The following RAG1 variants were observed in gnomAD, a reference collection of about 807,000 sequenced individuals.
RAG1 encodes recombination activating 1.
RAG1 carries 35 observed loss-of-function variants against 62.7 expected under a neutral mutation model. That is an observed-to-expected ratio of 0.56 (90% CI 0.43 to 0.74). The LOEUF (loss-of-function observed/expected upper bound fraction) is 0.74, where lower values mean the gene tolerates loss of function less well. Ranked by LOEUF, RAG1 falls within the 30% of genes least tolerant of loss-of-function variation. The pLI, the probability that RAG1 is intolerant of heterozygous loss-of-function variation, is 0.00. For synonymous variants in RAG1, 461 were observed against 470.3 expected (o/e 0.98, Z 0.26); for missense variants, 1,169 against 1,278.6 (o/e 0.91, Z 1.31).
chr11:36,571,241 G>A (rs1292861112), intron 1 of RAG1, among the ~76,000 whole-genome samples: 1 of 152,052 alleles, frequency 6.6e-6, no homozygotes, highest in Non-Finnish European at 1.5e-5. Context: ...CTCTAGAGAT[G>A]GTCATGCATT....
rs1052237366 is a variant in RAG1, at chr11:36,577,844, C to T, written c.*1408C>T. 6.0e-6 allele frequency: 1 copy of T among 167,062 alleles called. No homozygotes were observed. Among genetic ancestry groups the T allele is most frequent in the Non-Finnish European group, 1.5e-5 (1 of 68,106 alleles). The allele number at this position is 167,062 out of a possible 1,614,324, so 10.3% of individuals were successfully genotyped here. The stretch of plus-strand genomic sequence containing the variant: ...TTTTTTTAGGATTCACAACTAATCA[C>T]TATAGCACATGACCTTGGGATTACA... On this transcript the variant is annotated 3_prime_UTR_variant, in exon 2 of 2. Coordinates refer to ENST00000299440, the MANE Select transcript of RAG1 (RefSeq NM_000448.3).
In RAG1 at chr11:36,532,699, G is replaced by T. The variant is rs1457392185; in HGVS notation, n.429-3260G>T. Among the ~76,000 whole-genome samples, 9 of 152,276 alleles carry T rather than the reference G, an allele frequency of 5.9e-5. No homozygotes were observed. In the East Asian group the frequency reaches 1.7e-3, roughly 29 times the overall value. On this transcript the variant is annotated intron_variant and non_coding_transcript_variant, in intron 2 of 2. Transcript: ENST00000529126. The stretch of plus-strand genomic sequence containing the variant: ...GGTCCCTTTGCTCAGCTTATTTGCT[G>T]CTGTATATGCTGCCTGCCCTTCAGT...
In RAG1 at chr11:36,574,421, A is replaced by G. The variant is rs1006789212; in HGVS notation, c.1117A>G (p.Asn373Asp). ...CNEEVSLEKY[N>D]HHISSHKESK... The stretch of plus-strand genomic sequence containing the variant: ...TGAGGAGGTCAGTTTGGAAAAATAT[A>G]ATCACCACATCTCAAGTCACAAGGA... The change falls in exon 2 of 2, where the codon AAT becomes GAT. Residue 373 changes from asparagine (N) to aspartate (D), a missense_variant. By Grantham distance (23) the Asn-to-Asp change is conservative. Transcript: ENST00000299440. 5.6e-6 allele frequency: 9 copies of G among 1,614,222 alleles called. No homozygotes were observed. The highest frequency in any genetic ancestry group is 6.8e-6 in the Non-Finnish European group (8 of 1,180,042).
Position 36,575,506 on chromosome 11 carries a change from T to C in RAG1, c.2202T>C (p.Asp734=), listed in dbSNP as rs2133297123. ...SGSVYICTLC[D]ATRLEASQNL... ...CAGTCTACATTTGTACTCTTTGTGA[T>C]GCCACCCGTCTGGAAGCCTCTCAAA... The change falls in exon 2 of 2, where the codon GAT becomes GAC. Residue 734 remains aspartate, a synonymous_variant. Transcript: ENST00000299440. The surrounding 1 kb of genome is among the most constrained non-coding windows in gnomAD (Gnocchi z 4.1). 1 of 1,614,242 alleles carries C rather than the reference T, an allele frequency of 6.2e-7. No individual in the cohort carries two copies. The highest frequency in any genetic ancestry group is 8.5e-7 in the Non-Finnish European group (1 of 1,180,048).
intron 2 of RAG1, among the ~76,000 whole-genome samples, chr11:36,521,046 G>A (rs1414852825): frequency 1.4e-5 from 2 of 146,862 alleles, no homozygotes; most frequent in Non-Finnish European, 3.0e-5. Flanking sequence ...TGCAACCTCC[G>A]CCTCCTGGGT....
At chr11:36,515,197 T>C (rs1161383084) in intron 1 of RAG1, among the ~76,000 whole-genome samples, 2 of 152,174 alleles carry the variant, frequency 1.3e-5, no homozygotes, top group Non-Finnish European at 2.9e-5. Context: ...GAATCTTTCT[T>C]GTGCCAGAAG....
chr11:36,560,071 G>C (rs1850559649), intron 3 of RAG1, among the ~76,000 whole-genome samples: 1 of 152,180 alleles, frequency 6.6e-6, no homozygotes, highest in Non-Finnish European at 1.5e-5. Flanking sequence ...AAGTGGTTTG[G>C]ATTTGGTTAC....
Position 36,533,688 on chromosome 11 carries a change from T to C in RAG1, n.429-2271T>C, listed in dbSNP as rs565904577. Among the ~76,000 whole-genome samples the C allele has an allele frequency of 3.3e-5, 5 of 152,316 alleles. No homozygotes were observed. The East Asian group carries it at 5.8e-4, about 18-fold the overall frequency. ...GTGAAAGTGTTTTGTTTCCCTTATC[T>C]CCCTCTGTTTTTTAAATGGGGATGC... On this transcript the variant is annotated intron_variant and non_coding_transcript_variant, in intron 2 of 2. Coordinates refer to the RAG1 transcript ENST00000529126.
chr11:36,517,279 T>C (rs898652218), intron 1 of RAG1, among the ~76,000 whole-genome samples: 1 of 152,276 alleles, frequency 6.6e-6, no homozygotes, highest in African/African-American at 2.4e-5. Context: ...GCAAACATAT[T>C]TTAGTTACAG....
chr11:36,521,738 G>C (rs1196297297), intron 2 of RAG1, among the ~76,000 whole-genome samples: 1 of 152,156 alleles, frequency 6.6e-6, no homozygotes. Context: ...CTAGACACTT[G>C]TTCAATGGCT....
At chr11:36,551,604 T>C (rs960807228) in intron 3 of RAG1, among the ~76,000 whole-genome samples, 14 of 103,772 alleles carry the variant, frequency 1.3e-4, no homozygotes, top group Middle Eastern at 3.8e-3. Flanking sequence ...ATTACTTCTT[T>C]TTTTTTTTTT....
intron 2 of RAG1, chr11:36,520,363 G>A (rs1860059789): frequency 6.6e-6 from 1 of 152,184 alleles, no homozygotes; most frequent in Non-Finnish European, 1.5e-5. Context: ...CCATCTCCTG[G>A]GTTCAAGTGA....
At chr11:36,563,353 A>C (rs1204968502), upstream of RAG1, 2 of 152,202 alleles carry the variant, frequency 1.3e-5, no homozygotes, top group African/African-American at 4.8e-5. Flanking sequence ...TGCTCTCTCT[A>C]AGCTGGGATG....
At position 36,523,455 on chromosome 11, in the gene RAG1, T is replaced by A. The variant is rs1007796771; in HGVS notation, n.428+3226T>A. Among the ~76,000 whole-genome samples the A allele has an allele frequency of 2.0e-5, 3 of 152,224 alleles. No individual in the cohort carries two copies. The South Asian group carries it at 6.2e-4, about 32-fold the overall frequency. On this transcript the variant is annotated intron_variant and non_coding_transcript_variant, in intron 2 of 2. Transcript: ENST00000529126. ...CAGCCATGTGGAACTGTAAGTCCAATAAACCTCTTTCTTTCATAAATTGCC... is the reference window on the plus strand; with the variant it reads ...CAGCCATGTGGAACTGTAAGTCCAAAAAACCTCTTTCTTTCATAAATTGCC...
rs752334015 is a variant in RAG1 at position 36,579,174 on chromosome 11, T to G, written c.*2738T>G. 6.0e-6 allele frequency: 1 copy of G among 167,046 alleles called. No homozygotes were observed. Among genetic ancestry groups the G allele is most frequent in the Non-Finnish European group, 1.5e-5 (1 of 68,094 alleles). 10.3% of individuals were successfully genotyped at this position (167,046 alleles called of 1,614,324 possible). On this transcript the variant is annotated 3_prime_UTR_variant, in exon 2 of 2. Coordinates refer to ENST00000299440, the MANE Select transcript of RAG1 (RefSeq NM_000448.3). ...GATACAGAAGAAGATAAAGATTTTT[T>G]TGGTTGAGAGTGTGGGTCTTGCATT...
intron 3 of RAG1, among the ~76,000 whole-genome samples, chr11:36,549,861 A>G (rs1376482014): frequency 6.6e-6 from 1 of 152,252 alleles, no homozygotes; most frequent in African/African-American, 2.4e-5. Flanking sequence ...ACTTGGAACC[A>G]ACCCAAAAGC....
At chr11:36,520,912 C>A (rs1157396839) in intron 2 of RAG1, among the ~76,000 whole-genome samples, 2 of 150,976 alleles carry the variant, frequency 1.3e-5, no homozygotes, top group Non-Finnish European at 2.9e-5. Flanking sequence ...TTAAATATTT[C>A]ATTACACTAA....
chr11:36,544,422 A>C (rs1564980988), intron 3 of RAG1, among the ~76,000 whole-genome samples: 1 of 152,212 alleles, frequency 6.6e-6, no homozygotes, highest in Non-Finnish European at 1.5e-5. Context: ...ACCTTTCAAA[A>C]TTGAAATGGT....
intron 3 of RAG1, among the ~76,000 whole-genome samples, chr11:36,562,901 TCCAATTC>T (rs1206264289): frequency 1.3e-5 from 2 of 151,864 alleles, no homozygotes; most frequent in African/African-American, 4.8e-5. Flanking sequence ...AATTGTGTGA[TCCAATTC>T]CCATAAGGCA....
Sources: gnomAD v4.1 joint callset for allele counts (sites outside exome capture counted in the v4.1 genomes callset) on GRCh38, gnomAD v4.1.1 for gene constraint, Gnocchi (gnomAD v3.1) non-coding constraint, MANE v1.5 for transcripts, NCBI Gene and HGNC (gene_info 2026-07-23, HGNC 2026-07-21) for gene names.